Variants in NPAS3 observed in about 807,000 individuals in gnomAD.
NPAS3 encodes the protein neuronal PAS domain protein 3.
A neutral mutation model predicts 73.1 loss-of-function variants in NPAS3; 14 were observed. That is an observed-to-expected ratio of 0.19 (90% CI 0.13 to 0.30). The LOEUF (loss-of-function observed/expected upper bound fraction) is 0.30. Ranked by LOEUF, NPAS3 falls within the 10% of genes least tolerant of loss-of-function variation. The probability of loss-of-function intolerance (pLI) is 1.00; values close to 1 mark genes in which losing one functional copy is unlikely to be tolerated. For synonymous variants in NPAS3, 620 were observed against 541.5 expected (o/e 1.14, Z -2.01); for missense variants, 1,096 against 1,250.0 (o/e 0.88, Z 1.86).
At chr14:33,740,273 T>C (rs1249175762) in intron 7 of NPAS3, among the ~76,000 whole-genome samples, 1 of 152,178 alleles carries the variant, frequency 6.6e-6, no homozygotes, top group African/African-American at 2.4e-5. Context: ...GAAATACAAA[T>C]TGACTTATCT....
intron 5 of NPAS3, among the ~76,000 whole-genome samples, chr14:33,565,964 A>G (rs2055909602): frequency 1.3e-5 from 2 of 152,246 alleles, no homozygotes; most frequent in East Asian, 3.9e-4. Context: ...CCAACCAGCA[A>G]GTCTACATTT....
At chr14:33,014,404 A>C (rs1425366710) in intron 1 of NPAS3, among the ~76,000 whole-genome samples, 2 of 152,194 alleles carry the variant, frequency 1.3e-5, no homozygotes, top group Non-Finnish European at 2.9e-5. Flanking sequence ...ATTTCTAATT[A>C]GTATCCTCAA....
chr14:33,385,565 A>G (rs1156823794), intron 4 of NPAS3, among the ~76,000 whole-genome samples: 1 of 152,154 alleles, frequency 6.6e-6, no homozygotes, highest in Non-Finnish European at 1.5e-5. Context: ...GAGTGCTGCA[A>G]TGTAAGGTAA....
At position 33,025,390 on chromosome 14, in the gene NPAS3, A is replaced by G. The variant is rs191060978; in HGVS notation, c.51-30515A>G. On this transcript the variant is annotated intron_variant, in intron 1 of 11. Coordinates refer to ENST00000356141, the Ensembl canonical transcript of NPAS3. ...ACACATAACACACCAAGCATGAAGC[A>G]CACAGTAGGTATCAGTATTAGTTCT... Among the ~76,000 whole-genome samples the G allele has an allele frequency of 6.6e-5, 10 of 152,346 alleles. No homozygotes were observed. The East Asian group carries it at 1.5e-3, about 24-fold the overall frequency.
chr14:33,091,149 C>T (rs985966082), intron 2 of NPAS3, among the ~76,000 whole-genome samples: 1 of 152,054 alleles, frequency 6.6e-6, no homozygotes, highest in African/African-American at 2.4e-5. Context: ...CAGAACAGAA[C>T]TGAAGGAGAT....
intron 5 of NPAS3, among the ~76,000 whole-genome samples, chr14:33,569,905 A>G (rs7146715): frequency 0.35 from 52,850 of 152,076 alleles, 9,481 homozygotes; most frequent in Middle Eastern, 0.45. Context: ...AGCTCTATCT[A>G]TGGTAAAGAT....
chr14:33,547,379 A>G (rs573267428), intron 4 of NPAS3, among the ~76,000 whole-genome samples: 99 of 152,296 alleles, frequency 6.5e-4, no homozygotes, highest in African/African-American at 2.3e-3. Flanking sequence ...ATTCAACCCT[A>G]TGAAATTTAC....
At chr14:33,060,736 G>T (rs2041068832) in intron 2 of NPAS3, among the ~76,000 whole-genome samples, 1 of 152,194 alleles carries the variant, frequency 6.6e-6, no homozygotes, top group Non-Finnish European at 1.5e-5. Context: ...CAGATCAGGT[G>T]TTGTTAGCTG....
intron 5 of NPAS3, among the ~76,000 whole-genome samples, chr14:33,664,523 T>C (rs1567103738): frequency 6.6e-6 from 1 of 151,842 alleles, no homozygotes; most frequent in Non-Finnish European, 1.5e-5. Context: ...ACAAATGGGA[T>C]CCAATTAAAC....
intron 1 of NPAS3, among the ~76,000 whole-genome samples, chr14:32,974,928 T>G (rs971386092): frequency 6.6e-6 from 1 of 152,180 alleles, no homozygotes; most frequent in African/African-American, 2.4e-5. Flanking sequence ...ATGAAAGGTT[T>G]TTCTTTATTG....
At chr14:33,562,620 A>G (rs181921077) in intron 5 of NPAS3, among the ~76,000 whole-genome samples, 75 of 152,304 alleles carry the variant, frequency 4.9e-4, no homozygotes, top group African/African-American at 2.4e-5. Context: ...TTAGAGTTCA[A>G]AACTAAAGCT....
At chr14:33,217,948 C>A (rs562821187) in intron 3 of NPAS3, among the ~76,000 whole-genome samples, 4 of 152,162 alleles carry the variant, frequency 2.6e-5, no homozygotes, top group Non-Finnish European at 1.5e-5. Flanking sequence ...CATCATCAGA[C>A]GTTTTAGGTG....
chr14:33,783,888 G>A (rs2063060696), intron 9 of NPAS3, among the ~76,000 whole-genome samples: 1 of 152,142 alleles, frequency 6.6e-6, no homozygotes, highest in African/African-American at 2.4e-5. Flanking sequence ...TCTTTAGACG[G>A]CACTATTTTA....
rs755879056 is a variant in NPAS3, at chr14:33,643,375, TAAAAAA to T, written c.559-32818_559-32813del. Among the ~76,000 whole-genome samples, 43 of 94,640 alleles carry T rather than the reference TAAAAAA, an allele frequency of 4.5e-4. No individual in the cohort carries two copies. The East Asian group carries it at 8.7e-3, about 19-fold the overall frequency. The allele number at this position is 94,640 out of a possible 152,430, so 62.1% of individuals were successfully genotyped here. On this transcript the variant is annotated intron_variant, in intron 5 of 11. Coordinates refer to ENST00000356141, the Ensembl canonical transcript of NPAS3. ...TTCGGAAAAAGAAAGAAATAAAAAT[TAAAAAA>T]AAAAAAAAAAAAAAAAACGAGAGAG...
intron 2 of NPAS3, among the ~76,000 whole-genome samples, chr14:33,097,142 C>A (rs1566558016): frequency 1.3e-5 from 2 of 151,984 alleles, no homozygotes; most frequent in African/African-American, 4.8e-5. Context: ...CTTTGAGAGG[C>A]CAATGCAGGA....
At chr14:33,648,941 T>C (rs992511633) in intron 5 of NPAS3, among the ~76,000 whole-genome samples, 1 of 152,208 alleles carries the variant, frequency 6.6e-6, no homozygotes, top group African/African-American at 2.4e-5. Flanking sequence ...AGCAGCGAAT[T>C]GTGAGGGTCC....
At chr14:33,546,046 A>G (rs1393710020) in intron 4 of NPAS3, among the ~76,000 whole-genome samples, 1 of 152,164 alleles carries the variant, frequency 6.6e-6, no homozygotes, top group African/African-American at 2.4e-5. Flanking sequence ...GCTCCTGTTA[A>G]GGCCTTCTGA....
chr14:33,529,025 A>G (rs1306539980), intron 4 of NPAS3, among the ~76,000 whole-genome samples: 1 of 152,070 alleles, frequency 6.6e-6, no homozygotes, highest in Non-Finnish European at 1.5e-5. Context: ...CCCTCTATCC[A>G]GTCTCCCCAA....
rs534141161 is a variant in NPAS3 at position 33,484,661 on chromosome 14, CCT to C, written c.469-75459_469-75458del. Among the ~76,000 whole-genome samples, 11 of 152,248 alleles carry C rather than the reference CCT, an allele frequency of 7.2e-5. No individual in the cohort carries two copies. The East Asian group carries it at 1.2e-3, about 16-fold the overall frequency. On this transcript the variant is annotated intron_variant, in intron 4 of 11. Transcript: ENST00000356141. ...TCACACAGATCACATTCAAGTATCC[CCT>C]GAGTTAAAATACCTGGTCCATAAGC...
Sources: allele counts gnomAD v4.1 joint callset (sites outside exome capture counted in the v4.1 genomes callset), GRCh38; gene constraint gnomAD v4.1.1; transcripts MANE v1.5; gene names NCBI Gene and HGNC (gene_info 2026-07-23, HGNC 2026-07-21).